Variants in PREX2 observed in about 807,000 individuals in gnomAD.
The protein encoded by PREX2 is phosphatidylinositol 3,4,5-trisphosphate-dependent Rac exchanger 2 protein.
In PREX2, 107 loss-of-function variants were observed where a neutral mutation model predicts 203.2. The observed-to-expected ratio is 0.53, with a 90% confidence interval of 0.45 to 0.62. PREX2 has a LOEUF of 0.62. PREX2 is among the 20% of genes least tolerant of loss of function. PREX2 has a pLI of 0.00. For missense variants in PREX2, 1,777 were observed against 1,955.9 expected, an observed-to-expected ratio of 0.91 and a Z score of 1.72; for synonymous variants, 672 against 663.6, an observed-to-expected ratio of 1.01 and a Z score of -0.19.
At chr8:68,207,443 C>T (rs1470213827) in intron 37 of PREX2, among the ~76,000 whole-genome samples, 1 of 152,068 alleles carries the variant, frequency 6.6e-6, no homozygotes, top group African/African-American at 2.4e-5. Flanking sequence ...GATATAATAT[C>T]ATTGGCACAC....
At chr8:68,094,065 G>C (rs1488585885) in intron 21 of PREX2, among the ~76,000 whole-genome samples, 2 of 152,156 alleles carry the variant, frequency 1.3e-5, no homozygotes, top group Admixed American at 1.3e-4. Context: ...AGTAGAGTGA[G>C]GATTCAAACC....
At chr8:68,109,225 G>A (rs1220833117) in intron 24 of PREX2, among the ~76,000 whole-genome samples, 191 bp from the exon 25 acceptor site, 1 of 152,112 alleles carries the variant, frequency 6.6e-6, no homozygotes, top group Non-Finnish European at 1.5e-5. Context: ...ATAACTATGT[G>A]AAGTAATACA....
chr8:67,999,764 C>A (rs1304490381), intron 1 of PREX2, among the ~76,000 whole-genome samples: 1 of 152,162 alleles, frequency 6.6e-6, no homozygotes, highest in Non-Finnish European at 1.5e-5. Context: ...AGCTTATCCA[C>A]TATGATTAAG....
chr8:68,207,244 G>C (rs1183609053), intron 37 of PREX2, among the ~76,000 whole-genome samples: 1 of 152,166 alleles, frequency 6.6e-6, no homozygotes. Context: ...GCAAGGCAAT[G>C]GTTGTGAAAG....
intron 1 of PREX2, among the ~76,000 whole-genome samples, chr8:67,991,968 A>G (rs907797916): frequency 2.0e-5 from 3 of 152,262 alleles, no homozygotes; most frequent in Non-Finnish European, 2.9e-5. Context: ...AAATTATACT[A>G]TCTTCACTGT....
At chr8:68,096,931 A>C in intron 21 of PREX2, 86 bp from the exon 22 acceptor site, 1 of 1,129,156 alleles carries the variant, frequency 8.9e-7, no homozygotes, top group South Asian at 1.3e-5. Context: ...GAACTCTTTA[A>C]AAATTATTTA....
At chr8:67,986,124 A>G (rs1806412472) in intron 1 of PREX2, among the ~76,000 whole-genome samples, 1 of 152,148 alleles carries the variant, frequency 6.6e-6, no homozygotes, top group Admixed American at 6.5e-5. Flanking sequence ...AAAATGGGGG[A>G]AAAATTAATA....
rs1162757946 is a variant in PREX2, at chr8:68,168,880, T to C, written c.4346+11444T>C. Among the ~76,000 whole-genome samples, 6 of 151,266 alleles carry C rather than the reference T, an allele frequency of 4.0e-5. No individual in the cohort carries two copies. In the South Asian group the frequency reaches 6.3e-4, roughly 16 times the overall value. ...CATTTCATTCTGGAAAGTAATTTGT[T>C]TACTTACTAGTTGGACCTCAGAAGA... On this transcript the variant is annotated intron_variant, in intron 35 of 39. Coordinates refer to ENST00000288368, the MANE Select transcript of PREX2 (RefSeq NM_024870.4).
intron 37 of PREX2, among the ~76,000 whole-genome samples, chr8:68,192,926 G>A (rs1446600262): frequency 1.3e-5 from 2 of 152,210 alleles, no homozygotes; most frequent in Admixed American, 1.3e-4. Flanking sequence ...CAACCCAAGT[G>A]TTGTGAGCTA....
chr8:68,177,233 A>G (rs954433338), intron 35 of PREX2: 2 of 152,210 alleles, frequency 1.3e-5, no homozygotes, highest in Non-Finnish European at 2.9e-5. Context: ...AAGAATGGCT[A>G]TTAAGTCATT....
intron 10 of PREX2, 21 bp downstream of exon 10, chr8:68,055,995 G>A (rs1246889529): frequency 6.3e-7 from 1 of 1,588,414 alleles, no homozygotes; most frequent in Non-Finnish European, 8.5e-7. Flanking sequence ...GAGTTTGGGT[G>A]CATGACTTTC....
chr8:68,200,261 A>G (rs1431559502), intron 37 of PREX2, among the ~76,000 whole-genome samples: 1 of 152,164 alleles, frequency 6.6e-6, no homozygotes, highest in Non-Finnish European at 1.5e-5. Flanking sequence ...AGAAAATACT[A>G]CAATAACAGG....
intron 25 of PREX2, among the ~76,000 whole-genome samples, chr8:68,111,437 G>A (rs932303859): frequency 6.6e-6 from 1 of 151,828 alleles, no homozygotes; most frequent in African/African-American, 2.4e-5. Flanking sequence ...ATATTTTTAG[G>A]AAAAATATGT....
chr8:68,029,656 G>A (rs545921764), intron 5 of PREX2, among the ~76,000 whole-genome samples: 4 of 152,072 alleles, frequency 2.6e-5, no homozygotes, highest in South Asian at 2.1e-4. Flanking sequence ...TGTTAGTTAC[G>A]TGATGATGGC....
chr8:68,080,952 C>T (rs1048830694), intron 17 of PREX2, 114 bp downstream of exon 17: 3 of 712,252 alleles, frequency 4.2e-6, no homozygotes, highest in Admixed American at 2.7e-5. Flanking sequence ...TTATCTTTAT[C>T]AAACATAATG....
intron 22 of PREX2, among the ~76,000 whole-genome samples, chr8:68,099,311 A>T (rs1810188744): frequency 6.6e-6 from 1 of 152,030 alleles, no homozygotes; most frequent in Non-Finnish European, 1.5e-5. Context: ...ATTGAGAAAA[A>T]AAAATGTTCT....
intron 1 of PREX2, among the ~76,000 whole-genome samples, chr8:68,001,657 C>T (rs147413851): frequency 6.6e-6 from 1 of 152,166 alleles, no homozygotes; most frequent in Non-Finnish European, 1.5e-5. Flanking sequence ...ATGTTCACTG[C>T]ATCACTATTC....
intron 39 of PREX2, among the ~76,000 whole-genome samples, chr8:68,226,668 A>T (rs1184405250): frequency 6.6e-6 from 1 of 152,204 alleles, no homozygotes; most frequent in Admixed American, 6.5e-5. Context: ...CTGTGTGTCT[A>T]TAGGTGTCAG....
intron 1 of PREX2, among the ~76,000 whole-genome samples, chr8:67,989,395 G>C (rs1806531690): frequency 6.6e-6 from 1 of 151,946 alleles, no homozygotes; most frequent in Non-Finnish European, 1.5e-5. Context: ...AAAATTTTCA[G>C]ATCTGGTTAA....
Sources: gnomAD v4.1 joint callset for allele counts (sites outside exome capture counted in the v4.1 genomes callset) on GRCh38, gnomAD v4.1.1 for gene constraint, MANE v1.5 for transcripts, NCBI Gene and HGNC (gene_info 2026-07-23, HGNC 2026-07-21) for gene names.